The following CFI variants were observed in gnomAD, a reference collection of about 807,000 sequenced individuals.
CFI encodes the protein C3B/C4B inactivator.
A neutral mutation model predicts 78.8 loss-of-function variants in CFI; 66 were observed. That is an observed-to-expected ratio of 0.84 (90% CI 0.69 to 1.03). CFI has a LOEUF of 1.03. Ranked by LOEUF, CFI falls within the 50% of genes least tolerant of loss-of-function variation. The probability of loss-of-function intolerance (pLI) is 0.00; values close to 1 mark genes in which losing one functional copy is unlikely to be tolerated. For synonymous variants in CFI, 250 were observed against 232.6 expected, an observed-to-expected ratio of 1.07 and a Z score of -0.68; for missense variants, 706 against 704.5, an observed-to-expected ratio of 1.00 and a Z score of -0.02.
chr4:109,784,073 T>C (rs892649880), intron 1 of CFI, among the ~76,000 whole-genome samples: 6 of 151,566 alleles, frequency 4.0e-5, no homozygotes, highest in Non-Finnish European at 7.4e-5. Context: ...AGACTACAAA[T>C]ATGGTGCAGT....
chr4:109,752,281 C>T (rs1276632472), intron 8 of CFI, among the ~76,000 whole-genome samples, 187 bp downstream of exon 8: 1 of 152,054 alleles, frequency 6.6e-6, no homozygotes, highest in African/African-American at 2.4e-5. Context: ...AAAAGCAATT[C>T]TCAAGAATCA....
intron 1 of CFI, among the ~76,000 whole-genome samples, chr4:109,787,859 A>G (rs1194593710): frequency 6.6e-6 from 1 of 152,016 alleles, no homozygotes; most frequent in East Asian, 1.9e-4. Flanking sequence ...AATTTTGTCT[A>G]TTTTTTAAAT....
intron 1 of CFI, among the ~76,000 whole-genome samples, chr4:109,776,640 C>G (rs1490250871): frequency 6.6e-6 from 1 of 152,074 alleles, no homozygotes; most frequent in Non-Finnish European, 1.5e-5. Context: ...AGATACTCCT[C>G]GAGAAGAGCA....
At position 109,761,685 on chromosome 4, in the gene CFI, C is replaced by T; in HGVS notation, c.490G>A (p.Asp164Asn). 2.5e-6 allele frequency: 4 copies of T among 1,610,420 alleles called. No homozygotes were observed. Among genetic ancestry groups the T allele is most frequent in the South Asian group, 1.1e-5 (1 of 91,000 alleles). The change falls in exon 4 of 13, where the codon GAT becomes AAT. Residue 164 changes from aspartate to asparagine, a missense_variant. Transcript: ENST00000394634. ...GACAACTTAAACCTTCTTTGAGTATCAGCACCTCTGCAAATAGAATAAAGG... is the reference window on the plus strand; with the variant it reads ...GACAACTTAAACCTTCTTTGAGTATTAGCACCTCTGCAAATAGAATAAAGG... ...CLDLGFQQGA[D>N]TQRRFKLSDL... is the part of the protein sequence containing the mutation.
chr4:109,749,290 T>C lies in CFI; in HGVS notation c.1076A>G (p.Asp359Gly), dbSNP rs1724847223. The change falls in exon 10 of 13, where the codon GAT (aspartate) becomes GGT (glycine). Residue 359 changes from aspartate (D) to glycine (G), a missense_variant. Physicochemically the swap from Asp to Gly is moderately conservative, Grantham distance 94 (BLOSUM62 -1). Transcript: ENST00000394634. ...GDLPWQVAIK[D>G]ASGITCGGIY... ...TCCCCCACAGGTGATTCCACTGGCA[T>C]CCTTAATTGCCACCTGCCATGGGAG... 6.2e-7 allele frequency: 1 copy of C among 1,614,140 alleles called. No individual in the cohort carries two copies.
chr4:109,796,781 T>C (rs530376211), intron 1 of CFI, among the ~76,000 whole-genome samples: 2 of 152,282 alleles, frequency 1.3e-5, no homozygotes, highest in Non-Finnish European at 1.5e-5. Context: ...TGGGCAACAG[T>C]GCAAAACCCT....
At chr4:109,772,683 A>C (rs901262279) in intron 1 of CFI, among the ~76,000 whole-genome samples, 1 of 151,890 alleles carries the variant, frequency 6.6e-6, no homozygotes, top group South Asian at 2.1e-4. Flanking sequence ...GGCTCAAGTG[A>C]TCATCCTGCC....
At chr4:109,765,290 T>C (rs978215958) in intron 2 of CFI, among the ~76,000 whole-genome samples, 2 of 152,186 alleles carry the variant, frequency 1.3e-5, no homozygotes, top group East Asian at 1.9e-4. Context: ...TGAGCTGATA[T>C]ATGTCATGGT....
intron 2 of CFI, among the ~76,000 whole-genome samples, chr4:109,766,074 C>T (rs913821748): frequency 6.6e-6 from 1 of 152,058 alleles, no homozygotes; most frequent in Non-Finnish European, 1.5e-5. Context: ...GCCAAGATCA[C>T]ACCACTGCAC....
At chr4:109,769,927 T>C (rs1417725674) in intron 1 of CFI, among the ~76,000 whole-genome samples, 3 of 152,168 alleles carry the variant, frequency 2.0e-5, no homozygotes, top group Non-Finnish European at 4.4e-5. Flanking sequence ...CAAGTACTAG[T>C]TCTTTTTTCT....
At chr4:109,767,936 G>A (rs903617299) in intron 1 of CFI, among the ~76,000 whole-genome samples, 23 of 152,040 alleles carry the variant, frequency 1.5e-4, no homozygotes, top group African/African-American at 5.3e-4. Context: ...TATACACCAT[G>A]GAATACTATG....
intron 1 of CFI, among the ~76,000 whole-genome samples, chr4:109,800,633 C>A (rs1732665366): frequency 6.6e-6 from 1 of 151,986 alleles, no homozygotes; most frequent in Non-Finnish European, 1.5e-5. Context: ...TTCAGTAAAA[C>A]CGAAAACAGA....
chr4:109,770,601 C>A (rs1182468718), intron 1 of CFI, among the ~76,000 whole-genome samples: 1 of 147,500 alleles, frequency 6.8e-6, no homozygotes, highest in Admixed American at 6.8e-5. Flanking sequence ...ACTGGTTTTG[C>A]CATTTAGACA....
At chr4:109,744,658 C>G (rs1239325964) in intron 11 of CFI, among the ~76,000 whole-genome samples, 2 of 152,164 alleles carry the variant, frequency 1.3e-5, no homozygotes, top group African/African-American at 4.8e-5. Flanking sequence ...GCTCTGGTAC[C>G]TCTAGTCCTG....
chr4:109,794,306 T>C (rs1474181795), intron 1 of CFI: 1 of 152,172 alleles, frequency 6.6e-6, no homozygotes, highest in African/African-American at 2.4e-5. Flanking sequence ...TCTCATAGGC[T>C]CTGTTCATTC....
At chr4:109,758,001 T>C in intron 6 of CFI, 3 of 1,373,276 alleles carry the variant, frequency 2.2e-6, no homozygotes, top group Non-Finnish European at 2.9e-6. Context: ...AAAGAGATCA[T>C]TTTGATTTGA....
At chr4:109,773,278 A>G (rs1341855655) in intron 1 of CFI, among the ~76,000 whole-genome samples, 1 of 152,216 alleles carries the variant, frequency 6.6e-6, no homozygotes, top group East Asian at 1.9e-4. Flanking sequence ...CTGTAATCCC[A>G]GCACTTTGGG....
At position 109,775,110 on chromosome 4, in the gene CFI, C is replaced by T. The variant is rs57497936; in HGVS notation, c.58-8286G>A. Among the ~76,000 whole-genome samples, 544 of 152,180 alleles carry T rather than the reference C, an allele frequency of 3.6e-3. 9 individuals carry two copies. The highest frequency in any genetic ancestry group is 7.4e-3 in the East Asian group (38 of 5,170). On this transcript the variant is annotated intron_variant, in intron 1 of 12. Transcript: ENST00000394634. ...CTCCCAGTGTGAGCGACGCAGAAGA[C>T]GGGTGATTTCTGCATTTCCAACTAA...
chr4:109,747,976 C>A (rs901688707), intron 10 of CFI, among the ~76,000 whole-genome samples: 1 of 152,148 alleles, frequency 6.6e-6, no homozygotes, highest in Admixed American at 6.5e-5. Context: ...GTAATGCTCG[C>A]CCACCACTCA....
Sources: gnomAD v4.1 joint callset for allele counts (sites outside exome capture counted in the v4.1 genomes callset) on GRCh38, gnomAD v4.1.1 for gene constraint, MANE v1.5 for transcripts, NCBI Gene and HGNC (gene_info 2026-07-23, HGNC 2026-07-21) for gene names.